Variants in HCN1 observed in about 807,000 individuals in gnomAD.
HCN1 encodes the protein hyperpolarization activated cyclic nucleotide gated potassium channel 1, also known as potassium/sodium hyperpolarization-activated cyclic nucleotide-gated channel 1.
Under a neutral mutation model 78.9 loss-of-function variants are expected in HCN1, and 13 were observed. The ratio of observed to expected loss-of-function variants is 0.16; its 90% CI spans 0.11 to 0.26. The LOEUF is 0.26. Among genes scored for constraint, HCN1 ranks in the 10% least tolerant of loss-of-function variants. HCN1 has a pLI of 1.00. For synonymous variants in HCN1, 552 were observed against 455.5 expected (o/e 1.21, Z -2.70); for missense variants, 810 against 1,154.3 (o/e 0.70, Z 4.32).
chr5:45,379,912 T>C (rs1056938284), intron 4 of HCN1, among the ~76,000 whole-genome samples: 3 of 151,972 alleles, frequency 2.0e-5, no homozygotes, highest in Non-Finnish European at 4.4e-5. Context: ...ATAGTGGTGA[T>C]GATTACATGA....
intron 6 of HCN1, among the ~76,000 whole-genome samples, chr5:45,279,379 T>C (rs1351924135): frequency 2.6e-5 from 4 of 152,124 alleles, no homozygotes; most frequent in Non-Finnish European, 5.9e-5. Context: ...TGAAACCGTG[T>C]TCAAAGAAGC....
At chr5:45,499,273 C>T (rs1305264698) in intron 2 of HCN1, among the ~76,000 whole-genome samples, 2 of 152,314 alleles carry the variant, frequency 1.3e-5, no homozygotes, top group Middle Eastern at 3.4e-3. Context: ...AAGCCACGTG[C>T]AGGATATAAT....
chr5:45,349,013 G>C (rs949595525), intron 5 of HCN1, among the ~76,000 whole-genome samples: 17 of 152,058 alleles, frequency 1.1e-4, no homozygotes, highest in African/African-American at 1.7e-4. Flanking sequence ...CAGCTCTGCA[G>C]CAAGCGGACC....
intron 3 of HCN1, among the ~76,000 whole-genome samples, chr5:45,434,147 A>G (rs2112080032): frequency 6.6e-6 from 1 of 152,354 alleles, no homozygotes; most frequent in South Asian, 2.1e-4. Context: ...CAATAAAATG[A>G]ATTTTAAGTT....
In HCN1 at chr5:45,304,777, C is replaced by G. The variant is rs547304753; in HGVS notation, c.1378-938G>C. ...CTGGGATTCCCCTGCAAGTGATGGG[C>G]TAGAGAGAGGACATATTTGCCTTTT... On this transcript the variant is annotated intron_variant, in intron 5 of 7. Coordinates refer to ENST00000303230, the MANE Select transcript of HCN1 (RefSeq NM_021072.4). 1.2e-4 allele frequency among the ~76,000 whole-genome samples: 18 copies of G among 152,268 alleles called. 1 individual carries two copies. The highest frequency in any genetic ancestry group is 4.3e-4 in the African/African-American group (18 of 41,566).
chr5:45,650,920 C>G (rs1361976502), intron 1 of HCN1, among the ~76,000 whole-genome samples: 1 of 151,828 alleles, frequency 6.6e-6, no homozygotes, highest in African/African-American at 2.4e-5. Flanking sequence ...CTTGAAACAG[C>G]CTGATGTCAG....
Position 45,506,626 on chromosome 5 carries a change from C to T in HCN1, c.850-44619G>A, listed in dbSNP as rs552942868. ...ATCAATAAGAGAGGAAATTACCACTCGGATGTATTTCTTAATTTTTTATTT... is the reference window on the plus strand; with the variant it reads ...ATCAATAAGAGAGGAAATTACCACTTGGATGTATTTCTTAATTTTTTATTT... On this transcript the variant is annotated intron_variant, in intron 2 of 7. Transcript: ENST00000303230. Among the ~76,000 whole-genome samples, 24 of 152,068 alleles carry T rather than the reference C, an allele frequency of 1.6e-4. No individual in the cohort carries two copies. The East Asian group carries it at 2.5e-3, about 16-fold the overall frequency.
Position 45,259,812 on chromosome 5 carries a change from A to T in HCN1, c.*2109T>A, listed in dbSNP as rs1055026965. The T allele has an allele frequency of 1.3e-5, 2 of 152,562 alleles. No homozygotes were observed. The highest frequency in any genetic ancestry group is 2.4e-5 in the African/African-American group (1 of 41,432). The allele number at this position is 152,562 out of a possible 1,614,324, so 9.5% of individuals were successfully genotyped here. A position where few individuals can be genotyped will look rare whatever the true frequency, so the allele number is the denominator to read the frequency against. ...AAACCTTTAATAATTTAAAGGACCA[A>T]TACGTAATCTTAATAAATTGAAGTT... is the stretch of plus-strand genomic sequence containing the variant. On this transcript the variant is annotated 3_prime_UTR_variant, in exon 8 of 8. Coordinates refer to ENST00000303230, the MANE Select transcript of HCN1 (RefSeq NM_021072.4).
At chr5:45,485,825 C>T (rs138725440) in intron 2 of HCN1, among the ~76,000 whole-genome samples, 4 of 152,186 alleles carry the variant, frequency 2.6e-5, no homozygotes, top group South Asian at 4.1e-4. Context: ...ACTAAAGAAG[C>T]ATCAACAGAT....
At chr5:45,406,763 C>T (rs1365015229) in intron 3 of HCN1, among the ~76,000 whole-genome samples, 8 of 152,010 alleles carry the variant, frequency 5.3e-5, no homozygotes, top group Non-Finnish European at 8.8e-5. Flanking sequence ...CAAAAGAGAG[C>T]CTCTATTATA....
intron 1 of HCN1, among the ~76,000 whole-genome samples, chr5:45,665,285 C>T (rs1299564245): frequency 8.5e-6 from 1 of 117,918 alleles, no homozygotes; most frequent in African/African-American, 3.5e-5. Context: ...ACATCACACT[C>T]TGGGGACTGT....
In HCN1 at chr5:45,614,157, A is replaced by G. The variant is rs763902311; in HGVS notation, c.849+31028T>C. 6.6e-5 allele frequency among the ~76,000 whole-genome samples: 10 copies of G among 152,264 alleles called. No homozygotes were observed. In the South Asian group the frequency reaches 1.9e-3, roughly 28 times the overall value. On this transcript the variant is annotated intron_variant, in intron 2 of 7. Coordinates refer to ENST00000303230, the MANE Select transcript of HCN1 (RefSeq NM_021072.4). ...CATCCATGACAATCAAGAATCCTTT[A>G]GTAACCCAGACTGCTATTTTCCAAA...
At chr5:45,539,525 C>T (rs1325179104) in intron 2 of HCN1, among the ~76,000 whole-genome samples, 1 of 150,346 alleles carries the variant, frequency 6.7e-6, no homozygotes. Flanking sequence ...ATTAGCCTGG[C>T]GTGGTGGCGG....
intron 2 of HCN1, among the ~76,000 whole-genome samples, chr5:45,549,662 T>C (rs1243331664): frequency 3.9e-5 from 6 of 152,054 alleles, no homozygotes; most frequent in African/African-American, 1.2e-4. Context: ...CTAATTAAAC[T>C]CAAGAGCTTC....
intron 4 of HCN1, among the ~76,000 whole-genome samples, chr5:45,353,884 G>A (rs1746961024): frequency 6.6e-6 from 1 of 151,970 alleles, no homozygotes; most frequent in Admixed American, 6.6e-5. Context: ...CTTAGACACT[G>A]AAGTTCATTT....
intron 5 of HCN1, among the ~76,000 whole-genome samples, chr5:45,340,556 G>T (rs1746555455): frequency 6.6e-6 from 1 of 151,978 alleles, no homozygotes; most frequent in South Asian, 2.1e-4. Flanking sequence ...ACCTCTCCAG[G>T]CCCCTGAGAA....
chr5:45,348,341 TG>T (rs748055309), intron 5 of HCN1, among the ~76,000 whole-genome samples: 2 of 152,120 alleles, frequency 1.3e-5, no homozygotes, highest in Non-Finnish European at 2.9e-5. Context: ...CCAGCAGGCC[TG>T]CCCTAAAAGA....
intron 5 of HCN1, among the ~76,000 whole-genome samples, chr5:45,330,850 T>G (rs1746329419): frequency 1.3e-5 from 2 of 151,192 alleles, no homozygotes; most frequent in Admixed American, 1.3e-4. Context: ...ATTGGAAATT[T>G]TATCTTTCTC....
At chr5:45,494,187 C>T (rs1165564593) in intron 2 of HCN1, among the ~76,000 whole-genome samples, 1 of 152,094 alleles carries the variant, frequency 6.6e-6, no homozygotes, top group Non-Finnish European at 1.5e-5. Context: ...CTGACTTCCA[C>T]AATGGTTGAA....
Sources: allele counts gnomAD v4.1 joint callset (sites outside exome capture counted in the v4.1 genomes callset), GRCh38; gene constraint gnomAD v4.1.1; transcripts MANE v1.5; gene names NCBI Gene and HGNC (gene_info 2026-07-23, HGNC 2026-07-21).